The following PCDH15 variants were observed in gnomAD, a reference collection of about 807,000 sequenced individuals.
PCDH15 encodes the protein protocadherin related 15, also known as protocadherin-15.
Under a neutral mutation model 178.5 loss-of-function variants are expected in PCDH15, and 129 were observed. The observed-to-expected ratio is 0.72, with a 90% CI of 0.63 to 0.84. PCDH15 has a LOEUF of 0.84. Among genes scored for constraint, PCDH15 ranks in the 40% least tolerant of loss-of-function variants. The pLI is 0.00. For missense variants in PCDH15, 2,230 were observed against 2,099.9 expected, an observed-to-expected ratio of 1.06 and a Z score of -1.21; for synonymous variants, 800 against 732.0, an observed-to-expected ratio of 1.09 and a Z score of -1.50.
At chr10:54,380,608 T>A (rs1949052368) in intron 3 of PCDH15, among the ~76,000 whole-genome samples, 1 of 111,134 alleles carries the variant, frequency 9.0e-6, no homozygotes, top group African/African-American at 3.6e-5. Context: ...TGTTTAAGAG[T>A]AGCAACTGCA....
intron 2 of PCDH15, among the ~76,000 whole-genome samples, chr10:54,581,296 C>G (rs759243170): frequency 2.0e-5 from 3 of 151,944 alleles, no homozygotes; most frequent in African/African-American, 7.2e-5. Flanking sequence ...CTATAATGTT[C>G]AAGTGGAGAG....
chr10:54,378,279 G>A (rs1369881996), intron 4 of PCDH15, among the ~76,000 whole-genome samples: 11 of 151,406 alleles, frequency 7.3e-5, no homozygotes, highest in Non-Finnish European at 1.5e-5. Context: ...AGAACTACTT[G>A]ACTGGCATAT....
intron 2 of PCDH15, among the ~76,000 whole-genome samples, chr10:55,408,490 T>A (rs1258848558): frequency 6.6e-6 from 1 of 152,112 alleles, no homozygotes; most frequent in Non-Finnish European, 1.5e-5. Context: ...TGTCATAACC[T>A]TGATTCTAAA....
At chr10:55,613,136 A>G (rs1369696053) in intron 2 of PCDH15, among the ~76,000 whole-genome samples, 1 of 149,532 alleles carries the variant, frequency 6.7e-6, no homozygotes, top group African/African-American at 2.5e-5. Flanking sequence ...TGGAATCTCC[A>G]GACAGTGTCC....
intron 2 of PCDH15, among the ~76,000 whole-genome samples, chr10:55,491,813 A>G (rs575321284): frequency 6.6e-6 from 1 of 151,810 alleles, no homozygotes; most frequent in East Asian, 2.0e-4. Context: ...CCTGTTTAAT[A>G]GAAAAAATGA....
chr10:55,029,614 A>G (rs893643220), intron 2 of PCDH15, among the ~76,000 whole-genome samples: 5 of 152,136 alleles, frequency 3.3e-5, no homozygotes, highest in African/African-American at 1.2e-4. Flanking sequence ...GAAACAAAAT[A>G]ACCCTAATGG....
Position 53,817,994 on chromosome 10 carries a change from C to T in PCDH15, c.4452+1G>A. The stretch of plus-strand genomic sequence containing the variant: ...CGACATCAACACCATAAAGCCCTTA[C>T]CTCTGATCCATAACCTCTCCTGCAA... On this transcript the variant is annotated splice_donor_variant, in intron 34 of 37. Coordinates refer to ENST00000644397, the MANE Select transcript of PCDH15 (RefSeq NM_001384140.1). LOFTEE classifies it high-confidence loss of function. The T allele has an allele frequency of 2.5e-6, 1 of 398,670 alleles. No homozygotes were observed. Among genetic ancestry groups the T allele is most frequent in the Non-Finnish European group, 4.4e-6 (1 of 225,888 alleles). 24.7% of individuals were successfully genotyped at this position (398,670 alleles called of 1,614,324 possible). A position where few individuals can be genotyped will look rare whatever the true frequency, so the allele number is the denominator to read the frequency against.
chr10:55,316,471 A>C lies in PCDH15; in HGVS notation c.-156+3128T>G, dbSNP rs575329467. 2.0e-5 allele frequency among the ~76,000 whole-genome samples: 3 copies of C among 152,306 alleles called. 1 individual carries two copies. The South Asian group carries it at 6.2e-4, about 32-fold the overall frequency. ...TTTGTGAAAAAGTATATTGAATTTT[A>C]ATATCAGTTGCAGGATATTAATAAT... is the stretch of plus-strand genomic sequence containing the variant. On this transcript the variant is annotated intron_variant, in intron 1 of 5. Coordinates refer to the PCDH15 transcript ENST00000458638.
intron 2 of PCDH15, among the ~76,000 whole-genome samples, chr10:54,990,222 A>G (rs1385236696): frequency 1.3e-5 from 2 of 152,226 alleles, no homozygotes; most frequent in Non-Finnish European, 2.9e-5. Context: ...GAAGGCCTTA[A>G]TAAACTCTGC....
At chr10:54,731,948 TTGAA>T (rs1943461965) in intron 1 of PCDH15, among the ~76,000 whole-genome samples, 1 of 151,196 alleles carries the variant, frequency 6.6e-6, no homozygotes, top group Non-Finnish European at 1.5e-5. Context: ...TAAGAATAAT[TTGAA>T]TGTTTCTAGC....
intron 1 of PCDH15, among the ~76,000 whole-genome samples, chr10:55,307,982 C>T (rs980186189): frequency 6.6e-6 from 1 of 151,782 alleles, no homozygotes; most frequent in African/African-American, 2.4e-5. Flanking sequence ...TAATCACATC[C>T]CTCTGAGTTA....
intron 2 of PCDH15, among the ~76,000 whole-genome samples, chr10:54,555,736 C>CAAAAAAAAAAAAAAA: frequency 1.4e-5 from 1 of 73,396 alleles, no homozygotes; most frequent in Non-Finnish European, 2.7e-5. Flanking sequence ...GACTCTGTCT[C>CAAAAAAAAAAAAAAA]AAAAAAAAAA....
intron 2 of PCDH15, among the ~76,000 whole-genome samples, chr10:55,128,269 G>T (rs1028884944): frequency 6.6e-6 from 1 of 151,866 alleles, no homozygotes; most frequent in African/African-American, 2.4e-5. Context: ...TTGGGAAAAT[G>T]AGAATATGAG....
intron 3 of PCDH15, among the ~76,000 whole-genome samples, chr10:54,814,552 C>A (rs900217791): frequency 1.3e-5 from 2 of 152,072 alleles, no homozygotes; most frequent in Admixed American, 6.6e-5. Flanking sequence ...TTCCTTGTAG[C>A]TAATAAATAA....
At chr10:54,900,021 G>A (rs1954615214) in intron 2 of PCDH15, among the ~76,000 whole-genome samples, 1 of 151,772 alleles carries the variant, frequency 6.6e-6, no homozygotes, top group Admixed American at 6.6e-5. Flanking sequence ...GCAATTAACT[G>A]TAAGAAAAAA....
intron 3 of PCDH15, among the ~76,000 whole-genome samples, chr10:54,517,404 T>C (rs995588578): frequency 3.9e-5 from 6 of 152,084 alleles, no homozygotes; most frequent in African/African-American, 1.4e-4. Flanking sequence ...CGGCAGGAGT[T>C]GCAATCCTAG....
chr10:54,861,917 C>A (rs926237361), intron 3 of PCDH15, among the ~76,000 whole-genome samples: 3 of 152,126 alleles, frequency 2.0e-5, no homozygotes, highest in Non-Finnish European at 2.9e-5. Flanking sequence ...CAGGGAAGTG[C>A]ATAGAGCTGC....
At chr10:54,766,165 C>T (rs1346438202) in intron 1 of PCDH15, among the ~76,000 whole-genome samples, 3 of 151,846 alleles carry the variant, frequency 2.0e-5, no homozygotes, top group South Asian at 2.1e-4. Flanking sequence ...ATGAGTAATA[C>T]GTTTAAATTT....
chr10:54,332,230 CAT>C (rs1416064917), intron 6 of PCDH15, among the ~76,000 whole-genome samples: 1 of 32,576 alleles, frequency 3.1e-5, no homozygotes, highest in African/African-American at 1.3e-4. Context: ...TAGTTTTTTA[CAT>C]ATATATAATA....
Sources: allele counts gnomAD v4.1 joint callset (sites outside exome capture counted in the v4.1 genomes callset), GRCh38; gene constraint gnomAD v4.1.1; transcripts MANE v1.5; gene names NCBI Gene and HGNC (gene_info 2026-07-23, HGNC 2026-07-21).